Variants in RB1CC1 observed in about 807,000 individuals in gnomAD.
The protein encoded by RB1CC1 is RB1-inducible coiled-coil protein 1.
RB1CC1 carries 46 observed loss-of-function variants against 177.5 expected under a neutral mutation model. The ratio of observed to expected loss-of-function variants is 0.26; its 90% confidence interval spans 0.20 to 0.33. RB1CC1 has a LOEUF of 0.33. Ranked by LOEUF, RB1CC1 falls within the 10% of genes least tolerant of loss-of-function variation. RB1CC1 has a pLI of 1.00. For missense variants in RB1CC1, 1,703 were observed against 1,816.3 expected (o/e 0.94, Z 1.13); for synonymous variants, 666 against 613.6 (o/e 1.09, Z -1.26).
At chr8:52,709,340 A>G (rs1369695298) in intron 1 of RB1CC1, among the ~76,000 whole-genome samples, 10 of 152,256 alleles carry the variant, frequency 6.6e-5, no homozygotes, top group African/African-American at 2.4e-4. Context: ...ACTCATTAAA[A>G]TCTATCCAAC....
chr8:52,690,920 T>C (rs1352766102), intron 1 of RB1CC1, among the ~76,000 whole-genome samples: 1 of 152,170 alleles, frequency 6.6e-6, no homozygotes, highest in Non-Finnish European at 1.5e-5. Flanking sequence ...GAATTTCCCT[T>C]TATCCATAAA....
chr8:52,690,033 T>C (rs868820765), intron 1 of RB1CC1, among the ~76,000 whole-genome samples: 7 of 152,170 alleles, frequency 4.6e-5, no homozygotes, highest in Admixed American at 1.3e-4. Flanking sequence ...CAGGGAACTA[T>C]GAAACGCACT....
intron 3 of RB1CC1, 86 bp from the exon 4 acceptor site, chr8:52,684,099 A>C: frequency 1.4e-6 from 2 of 1,412,784 alleles, no homozygotes; most frequent in Non-Finnish European, 1.9e-6. Flanking sequence ...AAAACACCTT[A>C]GAGGTTAATG....
intron 18 of RB1CC1, among the ~76,000 whole-genome samples, chr8:52,641,711 T>G (rs1849603052): frequency 1.3e-5 from 2 of 152,140 alleles, no homozygotes; most frequent in Non-Finnish European, 1.5e-5. Flanking sequence ...CTTTCTGCCC[T>G]TGGAATCTCA....
intron 1 of RB1CC1, among the ~76,000 whole-genome samples, chr8:52,707,802 CCT>C (rs1210347027): frequency 6.6e-5 from 10 of 152,140 alleles, no homozygotes; most frequent in Non-Finnish European, 1.3e-4. Context: ...TCTGCCCACC[CCT>C]CTTAGCATGT....
At chr8:52,662,947 A>T (rs1191486283) in intron 8 of RB1CC1, among the ~76,000 whole-genome samples, 2 of 152,104 alleles carry the variant, frequency 1.3e-5, no homozygotes, top group East Asian at 1.9e-4. Flanking sequence ...ATCAATCCCA[A>T]ATTTAAATTC....
At chr8:52,649,907 A>G (rs1850418355) in intron 15 of RB1CC1, among the ~76,000 whole-genome samples, 1 of 152,214 alleles carries the variant, frequency 6.6e-6, no homozygotes, top group South Asian at 2.1e-4. Flanking sequence ...TAAATAGAAG[A>G]TATTCTGATC....
At chr8:52,682,131 G>A (rs1418518076) in intron 5 of RB1CC1, among the ~76,000 whole-genome samples, 1 of 152,194 alleles carries the variant, frequency 6.6e-6, no homozygotes, top group Non-Finnish European at 1.5e-5. Flanking sequence ...CAGGGACAGA[G>A]CTGCCCCAAG....
intron 1 of RB1CC1, among the ~76,000 whole-genome samples, chr8:52,709,873 C>G (rs1031726834): frequency 6.6e-6 from 1 of 152,216 alleles, no homozygotes; most frequent in Non-Finnish European, 1.5e-5. Flanking sequence ...TTGGGGGCAT[C>G]TAAACATAAG....
chr8:52,670,708 C>T (rs569426433), intron 7 of RB1CC1, among the ~76,000 whole-genome samples: 18 of 152,230 alleles, frequency 1.2e-4, no homozygotes, highest in African/African-American at 3.9e-4. Context: ...ATCTTAAGGC[C>T]GGGTGCAGTG....
intron 15 of RB1CC1, among the ~76,000 whole-genome samples, chr8:52,651,891 A>G (rs764842442): frequency 1.3e-5 from 2 of 152,232 alleles, no homozygotes; most frequent in Non-Finnish European, 2.9e-5. Flanking sequence ...GAGATGTACC[A>G]ATAAATGTTA....
intron 15 of RB1CC1, among the ~76,000 whole-genome samples, chr8:52,650,697 A>G (rs1189077860): frequency 6.6e-6 from 1 of 152,222 alleles, no homozygotes; most frequent in African/African-American, 2.4e-5. Context: ...TCTGATCTGA[A>G]AGCAGTAATG....
intron 23 of RB1CC1, 103 bp downstream of exon 23, chr8:52,624,614 A>G: frequency 4.4e-6 from 4 of 918,372 alleles, no homozygotes; most frequent in Non-Finnish European, 5.1e-6. Flanking sequence ...AACTGAAATG[A>G]GCATAAAGGC....
At chr8:52,637,813 G>A (rs868438381) in intron 18 of RB1CC1, among the ~76,000 whole-genome samples, 1 of 152,026 alleles carries the variant, frequency 6.6e-6, no homozygotes, top group African/African-American at 2.4e-5. Flanking sequence ...TGGAATTACA[G>A]GTGCCCACCA....
At chr8:52,640,519 CT>C (rs1849482627) in intron 18 of RB1CC1, among the ~76,000 whole-genome samples, 1 of 152,136 alleles carries the variant, frequency 6.6e-6, no homozygotes, top group Non-Finnish European at 1.5e-5. Context: ...ATTCCTAAAG[CT>C]TTTTAAAGCC....
Position 52,683,707 on chromosome 8 carries a change from T to A in RB1CC1, c.211A>T (p.Ile71Phe), listed in dbSNP as rs771375929. The change falls in exon 5 of 24, where the codon ATT (isoleucine) becomes TTT (phenylalanine). Residue 71 changes from isoleucine (I) to phenylalanine (F), a missense_variant. By Grantham distance (21) the Ile-to-Phe change is conservative. This residue lies in a region of RB1CC1 where 118 missense variants were observed against 121.2 expected (regional missense o/e 0.97). Transcript: ENST00000025008. The part of the protein sequence containing the change: ...TYSAGTDTNP[I>F]FLFNKEMILC... ...ATCATTTCTTTGTTAAAAAGAAAAA[T>A]TGGATTTGTATCCTATATTTTTTAA... is the stretch of plus-strand genomic sequence containing the variant. 6.3e-7 allele frequency: 1 copy of A among 1,586,766 alleles called. No homozygotes were observed. Among genetic ancestry groups the A allele is most frequent in the East Asian group, 2.2e-5 (1 of 44,556 alleles).
chr8:52,644,957 A>C (rs1268871456), intron 16 of RB1CC1, among the ~76,000 whole-genome samples: 1 of 152,164 alleles, frequency 6.6e-6, no homozygotes, highest in Non-Finnish European at 1.5e-5. Flanking sequence ...CTTCCAGCTG[A>C]CTGCTTTGCA....
At chr8:52,629,965 T>C (rs1392327691) in intron 21 of RB1CC1, among the ~76,000 whole-genome samples, 1 of 152,188 alleles carries the variant, frequency 6.6e-6, no homozygotes, top group Non-Finnish European at 1.5e-5. Flanking sequence ...CAGGGGCTCC[T>C]GAGGGCTGTG....
chr8:52,653,028 G>T (rs1024666862), intron 15 of RB1CC1, among the ~76,000 whole-genome samples: 2 of 152,124 alleles, frequency 1.3e-5, no homozygotes, highest in Non-Finnish European at 2.9e-5. Flanking sequence ...CTGCACTCCA[G>T]CCTGGGTAAC....
Sources: gnomAD v4.1 joint callset for allele counts (sites outside exome capture counted in the v4.1 genomes callset) on GRCh38, gnomAD v4.1.1 for gene constraint, gnomAD v4.1.1 regional missense constraint, MANE v1.5 for transcripts, NCBI Gene and HGNC (gene_info 2026-07-23, HGNC 2026-07-21) for gene names.